The following OLFM2 variants were observed in gnomAD, a reference collection of about 807,000 sequenced individuals.
OLFM2 encodes the protein noelin-2.
In OLFM2, 20 loss-of-function variants were observed where a neutral mutation model predicts 43.9. That is an observed-to-expected ratio of 0.46 (90% CI 0.32 to 0.66). The LOEUF is 0.66. Ranked by LOEUF, OLFM2 falls within the 30% of genes least tolerant of loss-of-function variation. The probability of loss-of-function intolerance (pLI) is 0.04; values close to 1 mark genes in which losing one functional copy is unlikely to be tolerated. For missense variants in OLFM2, 416 were observed against 643.6 expected, an observed-to-expected ratio of 0.65 and a Z score of 3.83; for synonymous variants, 268 against 278.6, an observed-to-expected ratio of 0.96 and a Z score of 0.38.
chr19:9,917,677 A>G (rs1480285857), intron 1 of OLFM2, among the ~76,000 whole-genome samples: 4 of 152,012 alleles, frequency 2.6e-5, no homozygotes, highest in Non-Finnish European at 5.9e-5. Flanking sequence ...TTTCCTCATC[A>G]TCCCATGTGG....
intron 1 of OLFM2, among the ~76,000 whole-genome samples, chr19:9,876,597 G>A (rs1405891439): frequency 6.6e-6 from 1 of 152,172 alleles, no homozygotes; most frequent in African/African-American, 2.4e-5. Context: ...ACACATTCCA[G>A]GGTTTCAAAG....
intron 1 of OLFM2, among the ~76,000 whole-genome samples, chr19:9,893,594 A>G (rs1192969373): frequency 6.6e-6 from 1 of 152,112 alleles, no homozygotes; most frequent in Non-Finnish European, 1.5e-5. Flanking sequence ...GCCCTAGTAG[A>G]ACGTTCACAA....
intron 1 of OLFM2, among the ~76,000 whole-genome samples, chr19:9,898,991 T>TCA (rs1304311543): frequency 6.6e-6 from 1 of 152,154 alleles, no homozygotes; most frequent in Non-Finnish European, 1.5e-5. Flanking sequence ...CAGCAGCTTC[T>TCA]CACTGCGTTT....
At chr19:9,890,014 C>A (rs1862469) in intron 1 of OLFM2, among the ~76,000 whole-genome samples, 57,457 of 151,926 alleles carry the variant, frequency 0.38, 12,437 homozygotes, top group Admixed American at 0.52. Flanking sequence ...AAGGAGGAGC[C>A]GGGAGGAGAG....
intron 2 of OLFM2, chr19:9,858,117 T>G (rs1480368390): frequency 1.8e-6 from 1 of 570,584 alleles, no homozygotes; most frequent in Non-Finnish European, 3.2e-6. Flanking sequence ...GTCTCCCAGT[T>G]CCACCTTCAT....
intron 1 of OLFM2, among the ~76,000 whole-genome samples, chr19:9,875,163 T>C (rs2046474757): frequency 6.6e-6 from 1 of 152,240 alleles, no homozygotes; most frequent in South Asian, 2.1e-4. Context: ...CCTTTCTTTG[T>C]AGACATCAAG....
chr19:9,864,241 C>T (rs1052690105), intron 1 of OLFM2, among the ~76,000 whole-genome samples: 1 of 152,216 alleles, frequency 6.6e-6, no homozygotes, highest in African/African-American at 2.4e-5. Flanking sequence ...ATTAGATTTA[C>T]ACCTCAGTTG....
At chr19:9,876,841 C>G (rs923408702) in intron 1 of OLFM2, among the ~76,000 whole-genome samples, 2 of 152,096 alleles carry the variant, frequency 1.3e-5, no homozygotes, top group Non-Finnish European at 2.9e-5. Flanking sequence ...AATGTGTCCC[C>G]GCAAAATTCA....
At chr19:9,901,181 AAAG>A (rs1401286161) in intron 1 of OLFM2, among the ~76,000 whole-genome samples, 3 of 150,040 alleles carry the variant, frequency 2.0e-5, no homozygotes, top group African/African-American at 4.9e-5. Flanking sequence ...GAAGGAAAAG[AAAG>A]AAGGAAAGAA....
chr19:9,856,994 C>A lies in OLFM2; in HGVS notation c.581-81G>T. On this transcript the variant is annotated intron_variant, in intron 4 of 5. Transcript: ENST00000264833. The surrounding 1 kb of genome is among the most constrained non-coding windows in gnomAD (Gnocchi z 4.0). ...CCAGGCAAAGATGAAGTGCTGTGAT[C>A]AAGTTGGGAAAGCTGGGACCAGGGA... 1 of 1,209,770 alleles carries A rather than the reference C, an allele frequency of 8.3e-7. No individual in the cohort carries two copies. Among genetic ancestry groups the A allele is most frequent in the South Asian group, 1.3e-5 (1 of 76,624 alleles). The allele number at this position is 1,209,770 out of a possible 1,614,324, so 74.9% of individuals were successfully genotyped here. A position where few individuals can be genotyped will look rare whatever the true frequency, so the allele number is the denominator to read the frequency against.
At chr19:9,871,791 G>A (rs1209300387) in intron 1 of OLFM2, among the ~76,000 whole-genome samples, 1 of 152,188 alleles carries the variant, frequency 6.6e-6, no homozygotes, top group Non-Finnish European at 1.5e-5. Flanking sequence ...AAACCACAGG[G>A]GAGCGGGGAG....
At chr19:9,891,667 C>T (rs916515040) in intron 1 of OLFM2, among the ~76,000 whole-genome samples, 5 of 151,914 alleles carry the variant, frequency 3.3e-5, no homozygotes, top group Non-Finnish European at 5.9e-5. Flanking sequence ...TCACTGGGGT[C>T]CCTGAGTGGC....
At chr19:9,862,110 G>A (rs1360518363) in intron 1 of OLFM2, among the ~76,000 whole-genome samples, 3 of 152,112 alleles carry the variant, frequency 2.0e-5, no homozygotes, top group Admixed American at 6.6e-5. Context: ...AGGAAGAGAA[G>A]GAATGAAGAA....
At chr19:9,913,791 G>A in intron 1 of OLFM2, 1 of 528,146 alleles carries the variant, frequency 1.9e-6, no homozygotes, top group Non-Finnish European at 2.5e-6. Flanking sequence ...TCGGGGACGC[G>A]GGCTGCGGCT....
chr19:9,931,377 G>A (rs1050693910), intron 1 of OLFM2, among the ~76,000 whole-genome samples: 12 of 152,134 alleles, frequency 7.9e-5, no homozygotes, highest in African/African-American at 2.4e-4. Context: ...AGCCTCCTGA[G>A]TAGAACTACA....
chr19:9,871,528 C>G (rs138075455), intron 1 of OLFM2, among the ~76,000 whole-genome samples: 5,080 of 150,482 alleles, frequency 0.034, 290 homozygotes, highest in African/African-American at 0.12. Flanking sequence ...AGCTGAGATC[C>G]CGCCATTGCA....
chr19:9,854,378 C>G lies in OLFM2; in HGVS notation c.1173G>C (p.Lys391Asn). The G allele has an allele frequency of 6.2e-7, 1 of 1,614,226 alleles. No individual in the cohort carries two copies. The highest frequency in any genetic ancestry group is 8.5e-7 in the Non-Finnish European group (1 of 1,180,032). The change falls in exon 6 of 6, where the codon AAG becomes AAC. Residue 391 changes from lysine to asparagine, a missense_variant. By Grantham distance (94) the Lys-to-Asn change is moderately conservative (BLOSUM62 0). Transcript: ENST00000264833. The surrounding 1 kb of genome is among the most constrained non-coding windows in gnomAD (Gnocchi z 9.5). ...TGTTGGTAAAATAGGCGAAGTAGAC[C>G]TTGGCCCCAGCCAGGTGGGAGTTGG... is the stretch of plus-strand genomic sequence containing the variant. ...YVTNSHLAGA[K>N]VYFAYFTNTS...
At chr19:9,890,810 C>T (rs776778946) in intron 1 of OLFM2, among the ~76,000 whole-genome samples, 1 of 152,022 alleles carries the variant, frequency 6.6e-6, no homozygotes, top group Non-Finnish European at 1.5e-5. Context: ...AAAAATTTAT[C>T]GGGCATGGAG....
At chr19:9,899,407 C>T (rs552533860) in intron 1 of OLFM2, among the ~76,000 whole-genome samples, 50 of 152,264 alleles carry the variant, frequency 3.3e-4, no homozygotes, top group Admixed American at 2.6e-3. Context: ...CTTGTTTCAA[C>T]CTCAGGGCCT....
Sources: allele counts gnomAD v4.1 joint callset (sites outside exome capture counted in the v4.1 genomes callset), GRCh38; gene constraint gnomAD v4.1.1; non-coding constraint Gnocchi (gnomAD v3.1); transcripts MANE v1.5; gene names NCBI Gene and HGNC (gene_info 2026-07-23, HGNC 2026-07-21).